Variants in BANP observed in about 807,000 individuals in gnomAD.
BANP encodes the protein BTG3 associated nuclear protein.
In BANP, 11 loss-of-function variants were observed where a neutral mutation model predicts 68.1. That is an observed-to-expected ratio of 0.16 (90% CI 0.10 to 0.27). The LOEUF (loss-of-function observed/expected upper bound fraction) is 0.27. BANP is among the 10% of genes least tolerant of loss of function. The probability of loss-of-function intolerance (pLI) is 1.00; values close to 1 mark genes in which losing one functional copy is unlikely to be tolerated. For synonymous variants in BANP, 329 were observed against 303.2 expected, an observed-to-expected ratio of 1.09 and a Z score of -0.88; for missense variants, 504 against 722.7, an observed-to-expected ratio of 0.70 and a Z score of 3.47.
chr16:88,022,225 C>T (rs1304168756), intron 7 of BANP, among the ~76,000 whole-genome samples: 2 of 152,230 alleles, frequency 1.3e-5, no homozygotes, highest in Non-Finnish European at 2.9e-5. Flanking sequence ...CTTAGGATTT[C>T]TATCCACGGC....
chr16:87,988,875 A>G (rs2065157645), intron 4 of BANP, among the ~76,000 whole-genome samples: 1 of 152,226 alleles, frequency 6.6e-6, no homozygotes, highest in African/African-American at 2.4e-5. Context: ...TTGCAGCAGC[A>G]GGGGCGTCAC....
chr16:87,973,073 G>C (rs571408269), intron 1 of BANP, among the ~76,000 whole-genome samples: 2 of 152,072 alleles, frequency 1.3e-5, no homozygotes, highest in East Asian at 3.9e-4. Context: ...CTGTCACCTC[G>C]TTCTGTTGTC....
At chr16:88,026,350 C>T (rs1478586427) in intron 7 of BANP, among the ~76,000 whole-genome samples, 2 of 152,142 alleles carry the variant, frequency 1.3e-5, no homozygotes, top group Admixed American at 6.5e-5. Flanking sequence ...AGAGAGGCGT[C>T]GGGAATGACA....
intron 11 of BANP, among the ~76,000 whole-genome samples, chr16:88,061,139 C>A (rs1324631259): frequency 6.6e-6 from 1 of 152,210 alleles, no homozygotes; most frequent in Non-Finnish European, 1.5e-5. Flanking sequence ...GATTGAGGTT[C>A]ATGCTGAAAC....
At chr16:88,043,473 C>A (rs1253440114) in intron 11 of BANP, among the ~76,000 whole-genome samples, 2 of 152,188 alleles carry the variant, frequency 1.3e-5, no homozygotes, top group African/African-American at 4.8e-5. Context: ...ACTGCACAAT[C>A]CCTGTAGTGT....
chr16:87,974,132 A>C (rs916909531), intron 1 of BANP, among the ~76,000 whole-genome samples: 2 of 152,242 alleles, frequency 1.3e-5, no homozygotes, highest in Non-Finnish European at 2.9e-5. Context: ...TTTATGTGTC[A>C]ATAATTAAAA....
rs11349895 is a variant in BANP at position 88,006,947 on chromosome 16, CAAAAAAA to C, written c.655+699_655+705del. ...AGCCTGGGCGTCAGAGACTCTGTCT[CAAAAAAA>C]AAAAAAAAAAAAAAAAGATAGTGAT... is the stretch of plus-strand genomic sequence containing the variant. On this transcript the variant is annotated intron_variant, in intron 6 of 13. Transcript: ENST00000682872. Among the ~76,000 whole-genome samples, 8 of 81,662 alleles carry C rather than the reference CAAAAAAA, an allele frequency of 9.8e-5. No individual in the cohort carries two copies. The East Asian group carries it at 2.1e-3, about 22-fold the overall frequency. The allele number at this position is 81,662 out of a possible 152,430, so 53.6% of individuals were successfully genotyped here.
At chr16:87,972,288 G>A (rs893134402) in intron 1 of BANP, among the ~76,000 whole-genome samples, 2 of 151,276 alleles carry the variant, frequency 1.3e-5, no homozygotes, top group Non-Finnish European at 3.0e-5. Flanking sequence ...CATTTCTGAA[G>A]TTACTTTTTC....
upstream of BANP, among the ~76,000 whole-genome samples, chr16:87,951,240 A>G (rs1057166576): frequency 1.3e-5 from 2 of 152,184 alleles, no homozygotes; most frequent in African/African-American, 2.4e-5. Context: ...AACGGGGGGA[A>G]AAAAGCCCTG....
chr16:88,028,461 G>A (rs368525752), intron 8 of BANP, among the ~76,000 whole-genome samples: 40 of 152,182 alleles, frequency 2.6e-4, no homozygotes, highest in Middle Eastern at 3.2e-3. Flanking sequence ...TGGTTTTCTC[G>A]GGCTGTTTTG....
intron 12 of BANP, among the ~76,000 whole-genome samples, chr16:88,069,752 G>A (rs545801719): frequency 2.6e-5 from 4 of 152,276 alleles, no homozygotes; most frequent in African/African-American, 9.6e-5. Flanking sequence ...CCTTCTGTCC[G>A]TCACCAAAAA....
intron 12 of BANP, among the ~76,000 whole-genome samples, chr16:88,070,080 T>C (rs1357667317): frequency 1.3e-5 from 2 of 152,212 alleles, no homozygotes; most frequent in South Asian, 2.1e-4. Context: ...CTCTCGCCTG[T>C]GCCTTTCTGA....
At chr16:88,043,935 T>C (rs2081376658) in intron 11 of BANP, among the ~76,000 whole-genome samples, 2 of 151,940 alleles carry the variant, frequency 1.3e-5, no homozygotes, top group African/African-American at 2.4e-5. Context: ...TGCAGGGAGG[T>C]GGATGACTTT....
At position 87,983,110 on chromosome 16, in the gene BANP, C is replaced by T. The variant is rs185701769; in HGVS notation, c.163-950C>T. 8.1e-4 allele frequency among the ~76,000 whole-genome samples: 124 copies of T among 152,246 alleles called. 1 individual carries two copies. The highest frequency in any genetic ancestry group is 3.0e-3 in the African/African-American group (123 of 41,546). On this transcript the variant is annotated intron_variant, in intron 3 of 13. Transcript: ENST00000682872. ...TCTGATGTGCACACTTTGGACCCCA[C>T]GCTCTTTAGGTCATGGGCAGGAAAG...
intron 11 of BANP, among the ~76,000 whole-genome samples, chr16:88,062,513 C>T (rs934856435): frequency 6.6e-6 from 1 of 152,204 alleles, no homozygotes; most frequent in Non-Finnish European, 1.5e-5. Context: ...CAGGGGAAAA[C>T]CCTCTGAATG....
At position 88,053,982 on chromosome 16, in the gene BANP, T is replaced by C. The variant is rs1318385669; in HGVS notation, c.1312-11285T>C. Among the ~76,000 whole-genome samples, 7 of 57,316 alleles carry C rather than the reference T, an allele frequency of 1.2e-4. 2 individuals carry two copies. Among genetic ancestry groups the C allele is most frequent in the Admixed American group, 6.6e-4 (4 of 6,020 alleles). 37.6% of individuals were successfully genotyped at this position (57,316 alleles called of 152,430 possible). On this transcript the variant is annotated intron_variant, in intron 11 of 13. Transcript: ENST00000682872. Reference sequence around the variant, plus strand: ...TAACAGCCACTCCCACCTCCTTCACTATCATCACCATCACCAACACAACCA... The same window carrying C: ...TAACAGCCACTCCCACCTCCTTCACCATCATCACCATCACCAACACAACCA...
At chr16:88,042,001 C>T (rs1051164478) in intron 11 of BANP, among the ~76,000 whole-genome samples, 7 of 152,038 alleles carry the variant, frequency 4.6e-5, no homozygotes, top group African/African-American at 7.2e-5. Context: ...GCGTGGGAGA[C>T]GCAGTAGGAG....
At chr16:87,953,989 C>T (rs556543704) in intron 1 of BANP, among the ~76,000 whole-genome samples, 10 of 152,132 alleles carry the variant, frequency 6.6e-5, no homozygotes, top group Admixed American at 6.5e-4. Flanking sequence ...ATGTTTTACC[C>T]TTGTGTGTGC....
At chr16:88,008,857 A>G (rs1020624941) in intron 6 of BANP, among the ~76,000 whole-genome samples, 5 of 152,206 alleles carry the variant, frequency 3.3e-5, no homozygotes, top group African/African-American at 1.2e-4. Context: ...TTTATTTTGA[A>G]GGAGAGGTCA....
Sources: gnomAD v4.1 joint callset for allele counts (sites outside exome capture counted in the v4.1 genomes callset) on GRCh38, gnomAD v4.1.1 for gene constraint, MANE v1.5 for transcripts, NCBI Gene and HGNC (gene_info 2026-07-23, HGNC 2026-07-21) for gene names.